GSG1L: variants seen among roughly 807,000 people sequenced by gnomAD.
The protein encoded by GSG1L is GSG1 like, also known as germ cell-specific gene 1-like protein.
GSG1L carries 24 observed loss-of-function variants against 42.1 expected under a neutral mutation model. The observed-to-expected ratio is 0.57, with a 90% confidence interval of 0.41 to 0.80. GSG1L has a LOEUF of 0.80. GSG1L is among the 30% of genes least tolerant of loss of function. GSG1L has a pLI of 0.00. For synonymous variants in GSG1L, 215 were observed against 203.5 expected (o/e 1.06, Z -0.48); for missense variants, 445 against 472.2 (o/e 0.94, Z 0.53).
intron 1 of GSG1L, among the ~76,000 whole-genome samples, chr16:28,009,368 C>T (rs1380575267): frequency 6.6e-6 from 1 of 151,896 alleles, no homozygotes; most frequent in Admixed American, 6.6e-5. Context: ...AGCACCCCTG[C>T]CCCCCCTGCA....
Position 27,791,211 on chromosome 16 carries a change from C to A in GSG1L, c.*159G>T, listed in dbSNP as rs1051310827. 2.3e-6 allele frequency: 1 copy of A among 428,526 alleles called. No individual in the cohort carries two copies. The highest frequency in any genetic ancestry group is 4.1e-6 in the Non-Finnish European group (1 of 246,082). The allele number at this position is 428,526 out of a possible 1,614,324, so 26.5% of individuals were successfully genotyped here. A position where few individuals can be genotyped will look rare whatever the true frequency, so the allele number is the denominator to read the frequency against. On this transcript the variant is annotated 3_prime_UTR_variant, in exon 7 of 7. Transcript: ENST00000447459. ...GGCCCCATTTCCAAGGCCATGGGACCCAGGCAGCGATGGGCAGGACAGGCC... is the reference window on the plus strand; with the variant it reads ...GGCCCCATTTCCAAGGCCATGGGACACAGGCAGCGATGGGCAGGACAGGCC...
intron 3 of GSG1L, among the ~76,000 whole-genome samples, chr16:27,875,825 A>G (rs544965296): frequency 7.9e-5 from 12 of 152,346 alleles, no homozygotes; most frequent in African/African-American, 2.9e-4. Flanking sequence ...CTCTACCTCT[A>G]GAATTTTAAA....
chr16:27,817,458 T>C (rs1002626667), intron 5 of GSG1L, among the ~76,000 whole-genome samples: 29 of 152,220 alleles, frequency 1.9e-4, no homozygotes, highest in African/African-American at 7.0e-4. Flanking sequence ...CAACTATCTG[T>C]AATAAAGGAC....
intron 6 of GSG1L, among the ~76,000 whole-genome samples, chr16:27,806,106 CAGG>C (rs2082959144): frequency 6.6e-6 from 1 of 152,076 alleles, no homozygotes; most frequent in Admixed American, 6.5e-5. Flanking sequence ...GTTGTCCCTG[CAGG>C]AGGAGTTCTC....
At chr16:28,032,491 C>T (rs777631861) in intron 1 of GSG1L, among the ~76,000 whole-genome samples, 66 of 152,214 alleles carry the variant, frequency 4.3e-4, no homozygotes, top group Admixed American at 1.0e-3. Flanking sequence ...CTGGGGCTGG[C>T]GGCTTCTCCG....
At chr16:27,940,719 G>C (rs8047661) in intron 2 of GSG1L, among the ~76,000 whole-genome samples, 67,245 of 103,296 alleles carry the variant, frequency 0.65, 22,326 homozygotes, top group Middle Eastern at 0.72. Context: ...GGGGGGAGTG[G>C]GGAGGGATAG....
chr16:27,986,505 C>A (rs2085384857), intron 1 of GSG1L, among the ~76,000 whole-genome samples: 4 of 137,924 alleles, frequency 2.9e-5, no homozygotes, highest in Non-Finnish European at 4.7e-5. Flanking sequence ...GACTCCGCCT[C>A]AAAAAAAAAA....
intron 5 of GSG1L, among the ~76,000 whole-genome samples, chr16:27,819,706 G>A (rs1834935176): frequency 1.3e-5 from 2 of 152,144 alleles, no homozygotes; most frequent in Non-Finnish European, 2.9e-5. Context: ...GTACACGGTG[G>A]GACTCTGAAG....
In GSG1L at chr16:28,062,931, G is replaced by A. The variant is rs1257132875; in HGVS notation, c.349+145C>T. 6.1e-6 allele frequency: 7 copies of A among 1,151,538 alleles called. No homozygotes were observed. In the East Asian group the frequency reaches 2.3e-4, roughly 39 times the overall value. 71.3% of individuals were successfully genotyped at this position (1,151,538 alleles called of 1,614,324 possible). A position where few individuals can be genotyped will look rare whatever the true frequency, so the allele number is the denominator to read the frequency against. The stretch of plus-strand genomic sequence containing the variant: ...CGGAACGGCGCGCGCCCCCTGCCCC[G>A]GAACGTCGCCCCTAGCCAGGCGGAG... On this transcript the variant is annotated intron_variant, in intron 1 of 6. Transcript: ENST00000447459.
chr16:27,821,980 G>C (rs1375963374), intron 5 of GSG1L, among the ~76,000 whole-genome samples: 2 of 151,940 alleles, frequency 1.3e-5, no homozygotes, highest in South Asian at 4.2e-4. Context: ...ACATCTGCAG[G>C]CCAGATTCTC....
At chr16:27,932,044 G>A (rs1332696115) in intron 2 of GSG1L, among the ~76,000 whole-genome samples, 2 of 152,124 alleles carry the variant, frequency 1.3e-5, no homozygotes, top group African/African-American at 4.8e-5. Flanking sequence ...CTGCTATAAA[G>A]AAATACCTGA....
chr16:28,029,347 G>A (rs531428680), intron 1 of GSG1L, among the ~76,000 whole-genome samples: 29 of 152,328 alleles, frequency 1.9e-4, no homozygotes, highest in South Asian at 1.2e-3. Flanking sequence ...AGATGGGATC[G>A]TTTGTATCAT....
chr16:27,949,439 C>A (rs1270704111), intron 2 of GSG1L, among the ~76,000 whole-genome samples: 1 of 152,164 alleles, frequency 6.6e-6, no homozygotes, highest in Non-Finnish European at 1.5e-5. Flanking sequence ...AACAGCCCTT[C>A]GTTGAAAGAT....
chr16:27,894,835 C>T (rs373421838), intron 2 of GSG1L, among the ~76,000 whole-genome samples: 28 of 152,208 alleles, frequency 1.8e-4, no homozygotes, highest in East Asian at 1.7e-3. Context: ...GGAGCAGAGT[C>T]GGGTGGGAGG....
intron 2 of GSG1L, among the ~76,000 whole-genome samples, chr16:27,904,115 G>A (rs1306679770): frequency 6.6e-6 from 1 of 152,094 alleles, no homozygotes; most frequent in Non-Finnish European, 1.5e-5. Flanking sequence ...TATCACCCAG[G>A]CCAGAGTGCA....
At position 27,987,338 on chromosome 16, in the gene GSG1L, C is replaced by T. The variant is rs183873577; in HGVS notation, c.350-24135G>A. Among the ~76,000 whole-genome samples, 127 of 152,220 alleles carry T rather than the reference C, an allele frequency of 8.3e-4. 1 individual carries two copies. Among genetic ancestry groups the T allele is most frequent in the Non-Finnish European group, 1.6e-3 (110 of 68,030 alleles). On this transcript the variant is annotated intron_variant, in intron 1 of 6. Transcript: ENST00000447459. The stretch of plus-strand genomic sequence containing the variant: ...GGGTCTATGGTCAGATGGGTTTAGG[C>T]TATCTCTGTTGGATGTTTTAAGGTC...
chr16:27,990,049 C>T (rs1471780399), intron 1 of GSG1L, among the ~76,000 whole-genome samples: 1 of 152,122 alleles, frequency 6.6e-6, no homozygotes, highest in Non-Finnish European at 1.5e-5. Context: ...CTAGTAGAAA[C>T]GTCCAGGGCT....
intron 3 of GSG1L, among the ~76,000 whole-genome samples, chr16:27,859,977 C>A (rs1210483064): frequency 6.6e-6 from 1 of 152,222 alleles, no homozygotes; most frequent in Non-Finnish European, 1.5e-5. Context: ...CTGCCACACC[C>A]AGCCATCCTG....
At chr16:27,979,695 G>GAAGA (rs2085298173) in intron 1 of GSG1L, among the ~76,000 whole-genome samples, 1 of 42,454 alleles carries the variant, frequency 2.4e-5, no homozygotes, top group Non-Finnish European at 5.0e-5. Flanking sequence ...AAGAAGGAAG[G>GAAGA]AAGGAAGGAA....
Sources: gnomAD v4.1 joint callset for allele counts (sites outside exome capture counted in the v4.1 genomes callset) on GRCh38, gnomAD v4.1.1 for gene constraint, MANE v1.5 for transcripts, NCBI Gene and HGNC (gene_info 2026-07-23, HGNC 2026-07-21) for gene names.